TUSC3: variants seen among roughly 807,000 people sequenced by gnomAD.
TUSC3 encodes the protein tumor suppressor candidate 3.
A neutral mutation model predicts 44.8 loss-of-function variants in TUSC3; 45 were observed. That is an observed-to-expected ratio of 1.00 (90% CI 0.79 to 1.29). The LOEUF (loss-of-function observed/expected upper bound fraction) is 1.29, where lower values mean the gene tolerates loss of function less well. Ranked by LOEUF, TUSC3 falls within the 50% of genes most tolerant of loss-of-function variation. The pLI is 0.00. For synonymous variants in TUSC3, 212 were observed against 152.9 expected, an observed-to-expected ratio of 1.39 and a Z score of -2.85; for missense variants, 519 against 437.9, an observed-to-expected ratio of 1.19 and a Z score of -1.65.
intron 6 of TUSC3, among the ~76,000 whole-genome samples, chr8:15,713,575 C>T (rs534278304): frequency 2.4e-4 from 36 of 152,210 alleles, no homozygotes; most frequent in Non-Finnish European, 4.0e-4. Context: ...GATTACGAAG[C>T]CTACACACAT....
chr8:15,668,543 G>C (rs1367288985), intron 5 of TUSC3, among the ~76,000 whole-genome samples: 1 of 151,746 alleles, frequency 6.6e-6, no homozygotes, highest in Admixed American at 6.6e-5. Context: ...TACATGTGTA[G>C]TGAGGAAGGT....
At chr8:15,576,279 G>GTTTTTTTTTTTTTTTTTTTTTT (rs1175068882) in intron 1 of TUSC3, among the ~76,000 whole-genome samples, 4 of 104,786 alleles carry the variant, frequency 3.8e-5, no homozygotes, top group Non-Finnish European at 6.2e-5. Flanking sequence ...TGGTCCTCTT[G>GTTTTTTTTTTTTTTTTTTTTTT]TTTTTTTTTT....
At chr8:15,725,634 AT>A (rs1290508280) in intron 6 of TUSC3, among the ~76,000 whole-genome samples, 1 of 145,736 alleles carries the variant, frequency 6.9e-6, no homozygotes, top group Admixed American at 7.1e-5. Context: ...ATGACGGTAG[AT>A]TACATTTATT....
the TUSC3 span, among the ~76,000 whole-genome samples, chr8:15,835,536 T>A: frequency 6.6e-6 from 1 of 152,198 alleles, no homozygotes; most frequent in South Asian, 2.1e-4. Context: ...TTGAAGATTA[T>A]AACTTTTTCT....
chr8:15,617,045 CAGAG>C (rs1484046903), intron 1 of TUSC3, among the ~76,000 whole-genome samples: 4 of 151,302 alleles, frequency 2.6e-5, no homozygotes, highest in Admixed American at 1.3e-4. Context: ...AATCAGCAGA[CAGAG>C]GGAGGAAATA....
chr8:15,506,323 C>T (rs1348742006), intron 2 of TUSC3, among the ~76,000 whole-genome samples: 4 of 152,150 alleles, frequency 2.6e-5, no homozygotes, highest in Admixed American at 1.3e-4. Flanking sequence ...ATCATAGAAA[C>T]CAGAATCCCT....
At chr8:15,728,447 GT>G (rs1217371811) in intron 6 of TUSC3, among the ~76,000 whole-genome samples, 1 of 145,270 alleles carries the variant, frequency 6.9e-6, no homozygotes, top group Non-Finnish European at 1.5e-5. Flanking sequence ...ATGATTGGAT[GT>G]GTGGAGAGGG....
intron 7 of TUSC3, among the ~76,000 whole-genome samples, chr8:15,740,467 T>C: frequency 6.7e-6 from 1 of 149,806 alleles, no homozygotes; most frequent in East Asian, 2.0e-4. Context: ...GAAAAAAAAA[T>C]GTTGTCCTCC....
At chr8:15,567,536 C>T (rs572853743) in intron 1 of TUSC3, among the ~76,000 whole-genome samples, 2 of 152,252 alleles carry the variant, frequency 1.3e-5, no homozygotes, top group Admixed American at 6.5e-5. Flanking sequence ...GACAGGTCTT[C>T]AATTGTCAAT....
chr8:15,630,992 C>G (rs1805736855), intron 2 of TUSC3, among the ~76,000 whole-genome samples: 1 of 152,142 alleles, frequency 6.6e-6, no homozygotes. Flanking sequence ...TACTACAACC[C>G]TTATCATTTC....
intron 2 of TUSC3, among the ~76,000 whole-genome samples, chr8:15,522,973 G>C (rs1585075020): frequency 6.6e-6 from 1 of 152,148 alleles, no homozygotes; most frequent in Non-Finnish European, 1.5e-5. Flanking sequence ...CCAATGCGAA[G>C]ATGCATCGTT....
At chr8:15,491,257 C>G (rs1364395915) in intron 2 of TUSC3, among the ~76,000 whole-genome samples, 1 of 152,142 alleles carries the variant, frequency 6.6e-6, no homozygotes, top group Non-Finnish European at 1.5e-5. Context: ...TTTACACTGT[C>G]CCTGTGAAAT....
chr8:15,776,154 T>TA, the TUSC3 span, among the ~76,000 whole-genome samples: 208 of 152,242 alleles, frequency 1.4e-3, no homozygotes, highest in Admixed American at 5.8e-3. Context: ...ATTGCTTTTA[T>TA]ATCAAACACT....
At chr8:15,427,479 G>T (rs574394891) in intron 1 of TUSC3, among the ~76,000 whole-genome samples, 179 of 152,138 alleles carry the variant, frequency 1.2e-3, no homozygotes, top group African/African-American at 4.0e-3. Context: ...AAGATCTCAG[G>T]GGTGTAGAGA....
intron 6 of TUSC3, among the ~76,000 whole-genome samples, chr8:15,690,833 C>T (rs113714989): frequency 9.2e-5 from 14 of 151,590 alleles, no homozygotes; most frequent in African/African-American, 3.4e-4. Context: ...TACTTCTGTG[C>T]TCCTTATTCT....
intron 2 of TUSC3, among the ~76,000 whole-genome samples, chr8:15,509,494 G>A (rs1484768070): frequency 6.6e-6 from 1 of 152,052 alleles, no homozygotes; most frequent in Non-Finnish European, 1.5e-5. Flanking sequence ...TGTAATCCCA[G>A]CTACTCGGGA....
chr8:15,613,696 A>G (rs1260664951), intron 1 of TUSC3, among the ~76,000 whole-genome samples: 1 of 152,224 alleles, frequency 6.6e-6, no homozygotes, highest in African/African-American at 2.4e-5. Flanking sequence ...GTGTGAAAAC[A>G]GACTAATACA....
At chr8:15,646,136 G>A (rs1051623408) in intron 2 of TUSC3, among the ~76,000 whole-genome samples, 1 of 152,110 alleles carries the variant, frequency 6.6e-6, no homozygotes, top group African/African-American at 2.4e-5. Context: ...CCATCAGCAA[G>A]CATTGTAAGT....
At chr8:15,480,721 C>T (rs1800646983) in intron 1 of TUSC3, among the ~76,000 whole-genome samples, 1 of 152,166 alleles carries the variant, frequency 6.6e-6, no homozygotes, top group African/African-American at 2.4e-5. Flanking sequence ...AATGTCCTAA[C>T]CTCCTCCTCT....
Sources: gnomAD v4.1 joint callset for allele counts (sites outside exome capture counted in the v4.1 genomes callset) on GRCh38, gnomAD v4.1.1 for gene constraint, MANE v1.5 for transcripts, NCBI Gene and HGNC (gene_info 2026-07-23, HGNC 2026-07-21) for gene names.